The following TENM2 variants were observed in gnomAD, a reference collection of about 807,000 sequenced individuals.
TENM2 encodes the protein teneurin-2.
Under a neutral mutation model 245.2 loss-of-function variants are expected in TENM2, and 52 were observed. That is an observed-to-expected ratio of 0.21 (90% confidence interval 0.17 to 0.27). The LOEUF (loss-of-function observed/expected upper bound fraction) is 0.27. TENM2 is among the 10% of genes least tolerant of loss of function. The probability of loss-of-function intolerance (pLI) is 1.00; values close to 1 mark genes in which losing one functional copy is unlikely to be tolerated. For missense variants in TENM2, 3,046 were observed against 3,666.8 expected (o/e 0.83, Z 4.37); for synonymous variants, 1,363 against 1,438.9 (o/e 0.95, Z 1.19).
At chr5:167,781,851 T>C (rs1764207780) in intron 2 of TENM2, among the ~76,000 whole-genome samples, 1 of 151,328 alleles carries the variant, frequency 6.6e-6, no homozygotes, top group African/African-American at 2.4e-5. Flanking sequence ...ACCCTGTCCC[T>C]ACCAAACATA....
At chr5:167,412,288 T>C (rs1177103724) in intron 2 of TENM2, among the ~76,000 whole-genome samples, 1 of 147,864 alleles carries the variant, frequency 6.8e-6, no homozygotes, top group African/African-American at 2.4e-5. Flanking sequence ...GCAGCAGCAT[T>C]ATAGCCTGAG....
At chr5:167,866,808 G>A (rs1772362444) in intron 2 of TENM2, among the ~76,000 whole-genome samples, 1 of 152,186 alleles carries the variant, frequency 6.6e-6, no homozygotes, top group Non-Finnish European at 1.5e-5. Flanking sequence ...TAGAACAATA[G>A]TCTAGGCTAT....
At chr5:167,637,798 C>T (rs1341634272) in intron 2 of TENM2, among the ~76,000 whole-genome samples, 2 of 151,996 alleles carry the variant, frequency 1.3e-5, no homozygotes, top group African/African-American at 4.8e-5. Context: ...GAACATCACA[C>T]ACCGGGGCCT....
intron 4 of TENM2, among the ~76,000 whole-genome samples, chr5:167,971,353 T>A (rs1295068321): frequency 1.0e-5 from 1 of 99,392 alleles, no homozygotes; most frequent in African/African-American, 4.6e-5. Context: ...TTCTGACCAC[T>A]ACATTAGAAA....
At chr5:166,993,509 G>A in the TENM2 span, among the ~76,000 whole-genome samples, 1 of 152,138 alleles carries the variant, frequency 6.6e-6, no homozygotes, top group Non-Finnish European at 1.5e-5. Flanking sequence ...AGCTTGCCAG[G>A]GAGACAGATG....
intron 6 of TENM2, among the ~76,000 whole-genome samples, chr5:168,052,170 G>A (rs917769840): frequency 3.3e-5 from 5 of 151,924 alleles, no homozygotes; most frequent in African/African-American, 7.3e-5. Context: ...AGCCGATCAC[G>A]AGCTCAGGAG....
chr5:168,134,079 C>G (rs1482354518), intron 12 of TENM2, among the ~76,000 whole-genome samples: 1 of 152,038 alleles, frequency 6.6e-6, no homozygotes, highest in Non-Finnish European at 1.5e-5. Context: ...CCCTCGAACC[C>G]AGGAGGTGGA....
the TENM2 span, among the ~76,000 whole-genome samples, chr5:167,167,477 G>A: frequency 3.1e-4 from 47 of 152,064 alleles, no homozygotes; most frequent in African/African-American, 1.1e-3. Context: ...AGTTCCCCAC[G>A]TTCCCAAGCG....
chr5:168,152,187 A>G (rs1292859741), intron 12 of TENM2, among the ~76,000 whole-genome samples: 9 of 152,350 alleles, frequency 5.9e-5, no homozygotes, highest in East Asian at 5.8e-4. Flanking sequence ...TAGGGGATCT[A>G]AAAGTGCCAG....
chr5:167,456,774 ATTTAT>A (rs1765950540), intron 2 of TENM2, among the ~76,000 whole-genome samples: 2 of 152,328 alleles, frequency 1.3e-5, no homozygotes, highest in African/African-American at 4.8e-5. Context: ...CATTTTGTAT[ATTTAT>A]TTGTGGTAAG....
chr5:167,089,927 C>T, the TENM2 span, among the ~76,000 whole-genome samples: 1 of 152,236 alleles, frequency 6.6e-6, no homozygotes, highest in East Asian at 1.9e-4. Context: ...CAAGGCTGAT[C>T]TGCAAGGCCT....
intron 12 of TENM2, among the ~76,000 whole-genome samples, chr5:168,147,443 A>G (rs1483574366): frequency 1.3e-5 from 2 of 152,228 alleles, no homozygotes; most frequent in Non-Finnish European, 2.9e-5. Flanking sequence ...CCTGTCAGAA[A>G]TAAACATTGC....
chr5:166,999,034 TTTA>T, the TENM2 span, among the ~76,000 whole-genome samples: 5 of 150,142 alleles, frequency 3.3e-5, no homozygotes, highest in East Asian at 3.9e-4. Context: ...TATAATATAT[TTTA>T]TTATTATATT....
At chr5:168,152,776 G>A (rs984504714) in intron 12 of TENM2, among the ~76,000 whole-genome samples, 12 of 152,006 alleles carry the variant, frequency 7.9e-5, no homozygotes, top group African/African-American at 1.5e-4. Context: ...TCTTCTACTC[G>A]CTGGGTACCC....
At chr5:167,106,636 G>A in the TENM2 span, among the ~76,000 whole-genome samples, 1 of 152,180 alleles carries the variant, frequency 6.6e-6, no homozygotes, top group African/African-American at 2.4e-5. Context: ...CAGCTTTGGT[G>A]GTGGTGTGAA....
the TENM2 span, among the ~76,000 whole-genome samples, chr5:167,163,915 C>T: frequency 6.6e-6 from 1 of 152,216 alleles, no homozygotes; most frequent in African/African-American, 2.4e-5. Context: ...TCCAAATCCT[C>T]TGTGAACTGC....
chr5:167,358,363 T>C (rs996617334), intron 1 of TENM2, among the ~76,000 whole-genome samples: 1 of 152,200 alleles, frequency 6.6e-6, no homozygotes, highest in African/African-American at 2.4e-5. Flanking sequence ...CAGCAACATT[T>C]GCAACAGTTA....
intron 2 of TENM2, among the ~76,000 whole-genome samples, chr5:167,562,242 G>C (rs1773640440): frequency 6.6e-6 from 1 of 152,150 alleles, no homozygotes; most frequent in Non-Finnish European, 1.5e-5. Context: ...TGAACATAGA[G>C]AGCTGTATAT....
Position 167,798,743 on chromosome 5 carries a change from C to A in TENM2, c.503-77243C>A, listed in dbSNP as rs887749085. 8.5e-5 allele frequency among the ~76,000 whole-genome samples: 13 copies of A among 152,288 alleles called. 1 individual carries two copies. In the South Asian group the frequency reaches 2.5e-3, roughly 29 times the overall value. On this transcript the variant is annotated intron_variant, in intron 2 of 28. Coordinates refer to ENST00000518659, the Ensembl canonical transcript of TENM2. The stretch of plus-strand genomic sequence containing the variant: ...ACAGAACAAATTCCCATTTAGTCAG[C>A]TTTTACTGTCCTCAGAGGCTCTGTG...
Sources: allele counts gnomAD v4.1 joint callset (sites outside exome capture counted in the v4.1 genomes callset), GRCh38; gene constraint gnomAD v4.1.1; transcripts MANE v1.5; gene names NCBI Gene and HGNC (gene_info 2026-07-23, HGNC 2026-07-21).